The following METAP2 variants were observed in gnomAD, a reference collection of about 807,000 sequenced individuals.
METAP2 encodes the protein methionyl aminopeptidase 2.
In METAP2, 25 loss-of-function variants were observed where a neutral mutation model predicts 59.4. The ratio of observed to expected loss-of-function variants is 0.42; its 90% CI spans 0.31 to 0.59. The LOEUF is 0.59. METAP2 is among the 20% of genes least tolerant of loss of function. The pLI, the probability that METAP2 is intolerant of heterozygous loss-of-function variation, is 0.16. For synonymous variants in METAP2, 214 were observed against 194.1 expected, an observed-to-expected ratio of 1.10 and a Z score of -0.85; for missense variants, 366 against 581.2, an observed-to-expected ratio of 0.63 and a Z score of 3.81.
chr12:95,502,181 T>G (rs145623120), intron 7 of METAP2, among the ~76,000 whole-genome samples: 3 of 152,020 alleles, frequency 2.0e-5, no homozygotes, highest in African/African-American at 7.2e-5. Context: ...TTTTAAAACT[T>G]TTTTGTAGAG....
chr12:95,481,217 A>G (rs2076156069), intron 2 of METAP2, among the ~76,000 whole-genome samples: 1 of 152,182 alleles, frequency 6.6e-6, no homozygotes, highest in Non-Finnish European at 1.5e-5. Context: ...ATTCGAGACC[A>G]GTCTGGGCAA....
chr12:95,488,335 A>G lies in METAP2; in HGVS notation c.428+2354A>G, dbSNP rs569720021. ...GCCAACATGGTAAAACCCCGTCTCT[A>G]CTAAAAATAAAAAAATAAAAAAAAT... On this transcript the variant is annotated intron_variant, in intron 4 of 10. Transcript: ENST00000323666. Among the ~76,000 whole-genome samples the G allele has an allele frequency of 2.0e-5, 3 of 151,740 alleles. No homozygotes were observed. In the South Asian group the frequency reaches 6.3e-4, roughly 32 times the overall value.
intron 6 of METAP2, 142 bp from the exon 7 acceptor site, chr12:95,495,862 T>C (rs2076272371): frequency 1.7e-6 from 1 of 601,090 alleles, no homozygotes; most frequent in Non-Finnish European, 3.0e-6. Flanking sequence ...ATGAATGATC[T>C]TTGGGTATTT....
chr12:95,487,763 A>C (rs1404137207), intron 4 of METAP2, among the ~76,000 whole-genome samples: 1 of 152,180 alleles, frequency 6.6e-6, no homozygotes, highest in Non-Finnish European at 1.5e-5. Flanking sequence ...AATCATAGGC[A>C]CACTTTCCTC....
At chr12:95,481,391 A>G (rs2076157224) in intron 2 of METAP2, among the ~76,000 whole-genome samples, 1 of 152,234 alleles carries the variant, frequency 6.6e-6, no homozygotes, top group Non-Finnish European at 1.5e-5. Flanking sequence ...AGCTTGGGCA[A>G]CAGAGTGAGA....
chr12:95,493,711 C>G (rs187374845), intron 4 of METAP2, among the ~76,000 whole-genome samples: 5 of 152,292 alleles, frequency 3.3e-5, no homozygotes, highest in Admixed American at 3.3e-4. Flanking sequence ...GTATATATGA[C>G]CTCAAGTGGA....
At position 95,514,402 on chromosome 12, in the gene METAP2, T is replaced by A. The variant is rs1298676254; in HGVS notation, c.*498T>A. ...GGACAGGATAAATAGCTAAACTTAATGTAGGCAAATGCAGAGACATTTATC... is the reference window on the plus strand; with the variant it reads ...GGACAGGATAAATAGCTAAACTTAAAGTAGGCAAATGCAGAGACATTTATC... On this transcript the variant is annotated 3_prime_UTR_variant, in exon 11 of 11. Coordinates refer to ENST00000323666, the MANE Select transcript of METAP2 (RefSeq NM_006838.4). 6.5e-6 allele frequency: 1 copy of A among 152,986 alleles called. No homozygotes were observed. Among genetic ancestry groups the A allele is most frequent in the Non-Finnish European group, 1.5e-5 (1 of 68,430 alleles). The allele number at this position is 152,986 out of a possible 1,614,324, so 9.5% of individuals were successfully genotyped here.
Position 95,483,289 on chromosome 12 carries a change from CT to C in METAP2, c.325+11del. 1.3e-6 allele frequency: 2 copies of C among 1,597,522 alleles called. No individual in the cohort carries two copies. Among genetic ancestry groups the C allele is most frequent in the Non-Finnish European group, 1.7e-6 (2 of 1,165,580 alleles). ...GAAGAAGAAGAGAGGACGTTAGTGT[CT>C]TAAGTTAATGTTAATTGATATATTA... On this transcript the variant is annotated intron_variant, in intron 3 of 10. Coordinates refer to ENST00000323666, the MANE Select transcript of METAP2 (RefSeq NM_006838.4).
intron 7 of METAP2, among the ~76,000 whole-genome samples, chr12:95,497,011 G>A (rs939201494): frequency 4.6e-5 from 7 of 151,968 alleles, no homozygotes; most frequent in African/African-American, 1.4e-4. Flanking sequence ...TTCTAGTAGA[G>A]ATGGGGTTTC....
intron 8 of METAP2, 99 bp from the exon 9 acceptor site, chr12:95,511,796 T>G: frequency 1.4e-6 from 1 of 739,584 alleles, no homozygotes; most frequent in Admixed American, 2.8e-5. Flanking sequence ...CCATACCTGG[T>G]TTTTGAATAA....
Position 95,512,782 on chromosome 12 carries a change from A to G in METAP2, c.1069-19A>G, listed in dbSNP as rs923931143. The G allele has an allele frequency of 7.4e-6, 10 of 1,355,524 alleles. No homozygotes were observed. The African/African-American group carries it at 1.3e-4, about 18-fold the overall frequency. 84.0% of individuals were successfully genotyped at this position (1,355,524 alleles called of 1,614,324 possible). On this transcript the variant is annotated intron_variant, in intron 9 of 10. Coordinates refer to ENST00000323666, the MANE Select transcript of METAP2 (RefSeq NM_006838.4). ...AATTTTTCTTCTTTCTCTCCCCTTG[A>G]CCCTTATTTATTTTTCAGGAAGGAG... is the stretch of plus-strand genomic sequence containing the variant.
chr12:95,508,054 TAC>T (rs1460327162), intron 8 of METAP2, among the ~76,000 whole-genome samples: 3 of 152,060 alleles, frequency 2.0e-5, no homozygotes, highest in Admixed American at 1.3e-4. Flanking sequence ...AGTCTGGGAT[TAC>T]AGGCGTGAGG....
At chr12:95,512,338 A>G (rs2076409181) in intron 9 of METAP2, among the ~76,000 whole-genome samples, 1 of 152,130 alleles carries the variant, frequency 6.6e-6, no homozygotes, top group South Asian at 2.1e-4. Context: ...TAAGGAGATA[A>G]AGCAGGGCAA....
chr12:95,496,284 G>GT (rs939059621), intron 7 of METAP2, among the ~76,000 whole-genome samples, 186 bp downstream of exon 7: 4 of 149,468 alleles, frequency 2.7e-5, no homozygotes, highest in Non-Finnish European at 5.9e-5. Flanking sequence ...ACCAAAGGTT[G>GT]TTTTTTTGTT....
At chr12:95,502,475 G>A (rs2076323783) in intron 7 of METAP2, among the ~76,000 whole-genome samples, 2 of 152,056 alleles carry the variant, frequency 1.3e-5, no homozygotes, top group Non-Finnish European at 2.9e-5. Context: ...TTTATATAGT[G>A]AATCACTTCT....
Position 95,514,107 on chromosome 12 carries a change from G to A in METAP2, c.*203G>A, listed in dbSNP as rs199697219. 6.4e-5 allele frequency: 35 copies of A among 545,988 alleles called. No individual in the cohort carries two copies. Among genetic ancestry groups the A allele is most frequent in the Non-Finnish European group, 1.0e-4 (34 of 330,038 alleles). 33.8% of individuals were successfully genotyped at this position (545,988 alleles called of 1,614,324 possible). ...GAAAAAGCTTTCCGGACTTTTAAATGCTAACTGTTTTTCCCCTTCCTGTCT... is the reference window on the plus strand; with the variant it reads ...GAAAAAGCTTTCCGGACTTTTAAATACTAACTGTTTTTCCCCTTCCTGTCT... On this transcript the variant is annotated 3_prime_UTR_variant, in exon 11 of 11. Coordinates refer to ENST00000323666, the MANE Select transcript of METAP2 (RefSeq NM_006838.4).
chr12:95,476,030 G>A, intron 1 of METAP2, 41 bp from the exon 2 acceptor site: 1 of 1,212,112 alleles, frequency 8.3e-7, no homozygotes, highest in Non-Finnish European at 1.2e-6. Flanking sequence ...GTGGGAAAGT[G>A]TCTGTATTAG....
At chr12:95,512,076 A>G in intron 9 of METAP2, 78 bp downstream of exon 9, 1 of 979,468 alleles carries the variant, frequency 1.0e-6, no homozygotes, top group Non-Finnish European at 1.6e-6. Flanking sequence ...AGTTAAATAT[A>G]TGGTTATACT....
intron 4 of METAP2, among the ~76,000 whole-genome samples, chr12:95,492,132 TTGTGTGTG>T (rs61423721): frequency 2.7e-5 from 4 of 149,312 alleles, no homozygotes; most frequent in African/African-American, 7.4e-5. Context: ...ATATGTGTGT[TTGTGTGTG>T]TGTGTGTGTG....
Sources: allele counts gnomAD v4.1 joint callset (sites outside exome capture counted in the v4.1 genomes callset), GRCh38; gene constraint gnomAD v4.1.1; transcripts MANE v1.5; gene names NCBI Gene and HGNC (gene_info 2026-07-23, HGNC 2026-07-21).